ORC5: variants seen among roughly 807,000 people sequenced by gnomAD.
ORC5 encodes protein phosphatase 1, regulatory subunit 117.
Under a neutral mutation model 58.8 loss-of-function variants are expected in ORC5, and 39 were observed. That is an observed-to-expected ratio of 0.66 (90% CI 0.51 to 0.87). The LOEUF (loss-of-function observed/expected upper bound fraction) is 0.87. ORC5 is among the 40% of genes least tolerant of loss of function. The pLI, the probability that ORC5 is intolerant of heterozygous loss-of-function variation, is 0.00. For missense variants in ORC5, 493 were observed against 506.3 expected, an observed-to-expected ratio of 0.97 and a Z score of 0.25; for synonymous variants, 218 against 177.6, an observed-to-expected ratio of 1.23 and a Z score of -1.81.
intron 9 of ORC5, 140 bp downstream of exon 9, chr7:104,168,333 A>G: frequency 7.6e-7 from 1 of 1,314,604 alleles, no homozygotes; most frequent in Non-Finnish European, 9.9e-7. Context: ...TCATTAATCA[A>G]AATAGCATTA....
chr7:104,153,999 AT>A (rs1163723222), intron 12 of ORC5, among the ~76,000 whole-genome samples: 1 of 152,142 alleles, frequency 6.6e-6, no homozygotes, highest in Admixed American at 6.6e-5. Flanking sequence ...TCTTCATAAA[AT>A]TTATTTAAAG....
At chr7:104,171,773 G>A (rs998366835) in intron 8 of ORC5, among the ~76,000 whole-genome samples, 12 of 152,078 alleles carry the variant, frequency 7.9e-5, no homozygotes, top group African/African-American at 2.9e-4. Context: ...AGGATCACCT[G>A]GACCTAGGGA....
chr7:104,192,310 G>A (rs74440137), intron 5 of ORC5, among the ~76,000 whole-genome samples: 5 of 152,118 alleles, frequency 3.3e-5, no homozygotes, highest in Non-Finnish European at 7.4e-5. Context: ...AGCCATGCAA[G>A]AACAACTTTT....
At chr7:104,164,498 T>C (rs2115863516) in intron 11 of ORC5, among the ~76,000 whole-genome samples, 2 of 152,344 alleles carry the variant, frequency 1.3e-5, no homozygotes, top group East Asian at 3.9e-4. Context: ...GTAAACATCA[T>C]CGTAGGCTTT....
intron 1 of ORC5, among the ~76,000 whole-genome samples, chr7:104,205,511 T>C (rs1427506569): frequency 6.6e-6 from 1 of 152,200 alleles, no homozygotes; most frequent in Non-Finnish European, 1.5e-5. Flanking sequence ...ATTTATTACA[T>C]TCAAGTCACT....
At chr7:104,197,569 T>C (rs1370630390) in intron 4 of ORC5, among the ~76,000 whole-genome samples, 156 bp downstream of exon 4, 1 of 152,128 alleles carries the variant, frequency 6.6e-6, no homozygotes, top group Non-Finnish European at 1.5e-5. Flanking sequence ...CTGATTTTAC[T>C]ATGAAAAAAA....
At chr7:104,183,549 G>C (rs1249999302) in intron 8 of ORC5, among the ~76,000 whole-genome samples, 1 of 152,100 alleles carries the variant, frequency 6.6e-6, no homozygotes, top group Admixed American at 6.6e-5. Context: ...CATAATGTCT[G>C]ATAAAAAGAA....
At chr7:104,176,809 C>A (rs1427008875) in intron 8 of ORC5, among the ~76,000 whole-genome samples, 1 of 152,090 alleles carries the variant, frequency 6.6e-6, no homozygotes, top group Non-Finnish European at 1.5e-5. Context: ...TCAGAATTGT[C>A]GGCATAAACT....
chr7:104,126,745 C>A lies in ORC5; in HGVS notation c.*103G>T. ...GGGCCAGCACCTGTTTGGACAAATC[C>A]AATAGAGCCAAAGAACTCCTCTCCT... is the stretch of plus-strand genomic sequence containing the variant. On this transcript the variant is annotated 3_prime_UTR_variant, in exon 14 of 14. Coordinates refer to ENST00000297431, the MANE Select transcript of ORC5 (RefSeq NM_002553.4). 1 of 777,838 alleles carries A rather than the reference C, an allele frequency of 1.3e-6. No homozygotes were observed. The highest frequency in any genetic ancestry group is 1.8e-5 in the South Asian group (1 of 55,466). 48.2% of individuals were successfully genotyped at this position (777,838 alleles called of 1,614,324 possible).
chr7:104,187,577 T>C (rs766483321), intron 6 of ORC5: 14 of 188,706 alleles, frequency 7.4e-5, no homozygotes, highest in Non-Finnish European at 1.3e-4. Context: ...TCTTAATTAA[T>C]TGAAGATTTC....
At chr7:104,178,732 A>G (rs1799373327) in intron 8 of ORC5, among the ~76,000 whole-genome samples, 1 of 152,082 alleles carries the variant, frequency 6.6e-6, no homozygotes, top group Non-Finnish European at 1.5e-5. Flanking sequence ...TAATTTTTGT[A>G]TAAGATGTAT....
chr7:104,173,154 C>T (rs556621829), intron 8 of ORC5, among the ~76,000 whole-genome samples: 1 of 152,264 alleles, frequency 6.6e-6, no homozygotes, highest in African/African-American at 2.4e-5. Flanking sequence ...TGCACAAAGG[C>T]CATCATAACC....
chr7:104,148,042 T>C (rs1798789320), intron 12 of ORC5, among the ~76,000 whole-genome samples: 1 of 152,194 alleles, frequency 6.6e-6, no homozygotes, highest in South Asian at 2.1e-4. Flanking sequence ...AACTAATTAA[T>C]ACTATTAATG....
chr7:104,135,345 G>A (rs148723223), intron 13 of ORC5, among the ~76,000 whole-genome samples: 60 of 152,136 alleles, frequency 3.9e-4, no homozygotes, highest in African/African-American at 1.2e-3. Context: ...TTTTCTCTGC[G>A]TAAAAGTTTT....
rs534844885 is a variant in ORC5 at position 104,129,799 on chromosome 7, A to G, written c.1263-2906T>C. On this transcript the variant is annotated intron_variant, in intron 13 of 13. Transcript: ENST00000297431. The surrounding 1 kb of genome is among the most constrained non-coding windows in gnomAD (Gnocchi z 4.9). ...TGGGAGATTCTCCCACAGAACATAA[A>G]TGAATTATTTTCTAAAGTAACCAGC... 2.6e-5 allele frequency among the ~76,000 whole-genome samples: 4 copies of G among 152,326 alleles called. No individual in the cohort carries two copies. In the South Asian group the frequency reaches 8.3e-4, roughly 32 times the overall value.
At position 104,137,102 on chromosome 7, in the gene ORC5, G is replaced by T. The variant is rs1213696695; in HGVS notation, c.1150-209C>A. ...GACTAGTTGTCAGAGTCCTAGTTTT[G>T]TTTTTTTTTTTTTTCTTAGAGATAT... On this transcript the variant is annotated intron_variant, in intron 12 of 13. Transcript: ENST00000297431. Among the ~76,000 whole-genome samples the T allele has an allele frequency of 4.3e-3, 596 of 137,606 alleles. 10 individuals carry two copies. The highest frequency in any genetic ancestry group is 4.7e-3 in the Non-Finnish European group (293 of 62,738). The allele number at this position is 137,606 out of a possible 152,430, so 90.3% of individuals were successfully genotyped here.
chr7:104,193,727 A>AC (rs1554357208), intron 5 of ORC5, among the ~76,000 whole-genome samples: 7 of 151,220 alleles, frequency 4.6e-5, no homozygotes, highest in Non-Finnish European at 7.4e-5. Context: ...CTTAAAAAAA[A>AC]AAAACAAAAC....
chr7:104,174,186 T>C (rs1371391159), intron 8 of ORC5, among the ~76,000 whole-genome samples: 4 of 152,180 alleles, frequency 2.6e-5, no homozygotes, highest in Admixed American at 2.6e-4. Context: ...TCATTTTGGT[T>C]TGGTAACACA....
At chr7:104,153,112 G>A (rs962368693) in intron 12 of ORC5, among the ~76,000 whole-genome samples, 1 of 151,596 alleles carries the variant, frequency 6.6e-6, no homozygotes, top group Non-Finnish European at 1.5e-5. Context: ...AATATGCTGT[G>A]CTTTTTAGTA....
Sources: gnomAD v4.1 joint callset for allele counts (sites outside exome capture counted in the v4.1 genomes callset) on GRCh38, gnomAD v4.1.1 for gene constraint, Gnocchi (gnomAD v3.1) non-coding constraint, MANE v1.5 for transcripts, NCBI Gene and HGNC (gene_info 2026-07-23, HGNC 2026-07-21) for gene names.